MACROD2: variants seen among roughly 807,000 people sequenced by gnomAD.
MACROD2 encodes mono-ADP ribosylhydrolase 2.
MACROD2 carries 36 observed loss-of-function variants against 70.4 expected under a neutral mutation model. The observed-to-expected ratio is 0.51, with a 90% CI of 0.39 to 0.68. The LOEUF (loss-of-function observed/expected upper bound fraction) is 0.68, where lower values mean the gene tolerates loss of function less well. Ranked by LOEUF, MACROD2 falls within the 30% of genes least tolerant of loss-of-function variation. MACROD2 has a pLI of 0.00. For missense variants in MACROD2, 496 were observed against 538.4 expected (o/e 0.92, Z 0.78); for synonymous variants, 172 against 178.8 (o/e 0.96, Z 0.30).
intron 5 of MACROD2, among the ~76,000 whole-genome samples, chr20:15,223,497 C>G (rs928814272): frequency 6.6e-6 from 1 of 152,184 alleles, no homozygotes; most frequent in Non-Finnish European, 1.5e-5. Context: ...TCATTTCTAT[C>G]TAGGGGCTAC....
At chr20:14,618,732 G>T (rs531435546) in intron 4 of MACROD2, among the ~76,000 whole-genome samples, 1 of 152,248 alleles carries the variant, frequency 6.6e-6, no homozygotes, top group South Asian at 2.1e-4. Context: ...AACCACAGAA[G>T]TTTAAGAGAA....
chr20:14,847,717 CTTATAA>C (rs769308164), intron 5 of MACROD2, among the ~76,000 whole-genome samples: 14 of 152,012 alleles, frequency 9.2e-5, no homozygotes, highest in Admixed American at 2.0e-4. Flanking sequence ...ATACTTTTTG[CTTATAA>C]TTATAATGTG....
chr20:15,723,097 C>A (rs1265343948), intron 8 of MACROD2, among the ~76,000 whole-genome samples: 1 of 152,092 alleles, frequency 6.6e-6, no homozygotes, highest in Non-Finnish European at 1.5e-5. Context: ...CTTTTAAATG[C>A]AGTTTACCAT....
intron 2 of MACROD2, among the ~76,000 whole-genome samples, chr20:14,062,702 A>G (rs1002046079): frequency 2.0e-5 from 3 of 152,174 alleles, no homozygotes; most frequent in East Asian, 1.9e-4. Context: ...AGAAAAAAAG[A>G]TATTTCAAAA....
intron 8 of MACROD2, among the ~76,000 whole-genome samples, chr20:15,522,408 T>G (rs2146531971): frequency 6.6e-6 from 1 of 152,364 alleles, no homozygotes; most frequent in Middle Eastern, 3.4e-3. Context: ...TAGCTGATAC[T>G]AAATCACACC....
At chr20:15,657,835 A>G (rs1379084713) in intron 8 of MACROD2, among the ~76,000 whole-genome samples, 1 of 152,174 alleles carries the variant, frequency 6.6e-6, no homozygotes, top group Non-Finnish European at 1.5e-5. Flanking sequence ...TCTACTAAAA[A>G]TACAAAATTA....
chr20:15,331,438 AT>A (rs553053258), intron 6 of MACROD2, among the ~76,000 whole-genome samples: 3 of 151,484 alleles, frequency 2.0e-5, no homozygotes, highest in Non-Finnish European at 2.9e-5. Flanking sequence ...ATGCACATCA[AT>A]TTTTTTTCTA....
rs11477008 is a variant in MACROD2 at position 15,340,774 on chromosome 20, C to CT, written c.541-90619dup. Among the ~76,000 whole-genome samples, 195 of 147,172 alleles carry CT rather than the reference C, an allele frequency of 1.3e-3. 1 individual carries two copies. The highest frequency in any genetic ancestry group is 0.011 in the East Asian group (54 of 5,022). On this transcript the variant is annotated intron_variant, in intron 6 of 17. Transcript: ENST00000684519. ...CTACACTCCACCCCGCAAACACACA[C>CT]TTTTTTTTTTTTGCCCTCCATGCTT...
chr20:15,229,809 G>A lies in MACROD2; in HGVS notation c.419-131G>A, dbSNP rs949590364. The A allele has an allele frequency of 9.1e-6, 8 of 875,888 alleles. No homozygotes were observed. In the East Asian group the frequency reaches 1.6e-4, roughly 17 times the overall value. The allele number at this position is 875,888 out of a possible 1,614,324, so 54.3% of individuals were successfully genotyped here. A position where few individuals can be genotyped will look rare whatever the true frequency, so the allele number is the denominator to read the frequency against. Reference sequence around the variant, plus strand: ...CTTCTACCAGAGAAATATTTGCGTCGCCAATGTATTGCTTAGCTTGCTTGT... The same window carrying A: ...CTTCTACCAGAGAAATATTTGCGTCACCAATGTATTGCTTAGCTTGCTTGT... On this transcript the variant is annotated intron_variant, in intron 5 of 17. Transcript: ENST00000684519.
At chr20:14,593,825 T>C (rs1336831163) in intron 4 of MACROD2, among the ~76,000 whole-genome samples, 2 of 152,190 alleles carry the variant, frequency 1.3e-5, no homozygotes, top group South Asian at 2.1e-4. Flanking sequence ...ATTGAAATCA[T>C]GTTGTTTTGA....
chr20:14,178,043 A>G (rs1339925479), intron 3 of MACROD2, among the ~76,000 whole-genome samples: 2 of 152,188 alleles, frequency 1.3e-5, no homozygotes, highest in African/African-American at 4.8e-5. Flanking sequence ...TCAAACTACT[A>G]TAAATGAAGT....
chr20:15,676,221 G>T (rs1251967699), intron 8 of MACROD2, among the ~76,000 whole-genome samples: 1 of 152,106 alleles, frequency 6.6e-6, no homozygotes, highest in Non-Finnish European at 1.5e-5. Context: ...CTCCATAAAA[G>T]CTGTAAAAAT....
At chr20:15,649,079 TTC>T (rs2049598650) in intron 8 of MACROD2, among the ~76,000 whole-genome samples, 1 of 57,750 alleles carries the variant, frequency 1.7e-5, no homozygotes, top group Non-Finnish European at 3.6e-5. Context: ...TCCCCTCCCC[TTC>T]CCTCCCCTTC....
intron 8 of MACROD2, among the ~76,000 whole-genome samples, chr20:15,569,108 C>G (rs2048345244): frequency 6.6e-6 from 1 of 152,150 alleles, no homozygotes; most frequent in Non-Finnish European, 1.5e-5. Flanking sequence ...GGAGGGTCTT[C>G]TGGTTAACTC....
chr20:15,434,763 C>A (rs954964101), intron 7 of MACROD2, among the ~76,000 whole-genome samples: 1 of 152,090 alleles, frequency 6.6e-6, no homozygotes, highest in East Asian at 1.9e-4. Flanking sequence ...GATATGGAAC[C>A]AACCTAAATG....
At chr20:15,017,835 G>A (rs754050849) in intron 5 of MACROD2, among the ~76,000 whole-genome samples, 1 of 152,198 alleles carries the variant, frequency 6.6e-6, no homozygotes, top group Non-Finnish European at 1.5e-5. Context: ...CATAGCTGGA[G>A]TAGCTGGGAC....
intron 3 of MACROD2, among the ~76,000 whole-genome samples, chr20:14,207,636 C>CA (rs1402691393): frequency 1.3e-5 from 2 of 152,174 alleles, no homozygotes; most frequent in Non-Finnish European, 2.9e-5. Context: ...ACAGATAACT[C>CA]AGAAAGCTAT....
intron 3 of MACROD2, among the ~76,000 whole-genome samples, chr20:14,228,516 T>G (rs576886857): frequency 6.6e-6 from 1 of 152,074 alleles, no homozygotes; most frequent in African/African-American, 2.4e-5. Context: ...TTTTGTATTT[T>G]AGTATAGTCT....
At chr20:15,161,011 A>G (rs559303827) in intron 5 of MACROD2, among the ~76,000 whole-genome samples, 1 of 152,226 alleles carries the variant, frequency 6.6e-6, no homozygotes, top group Middle Eastern at 3.4e-3. Context: ...ACTGTTATAC[A>G]ATTGATGAAA....
Sources: allele counts gnomAD v4.1 joint callset (sites outside exome capture counted in the v4.1 genomes callset), GRCh38; gene constraint gnomAD v4.1.1; transcripts MANE v1.5; gene names NCBI Gene and HGNC (gene_info 2026-07-23, HGNC 2026-07-21).